ADGRB1: variants seen among roughly 807,000 people sequenced by gnomAD.
The protein encoded by ADGRB1 is adhesion G protein-coupled receptor B1, also known as brain-specific angiogenesis inhibitor 1.
Under a neutral mutation model 175.7 loss-of-function variants are expected in ADGRB1, and 36 were observed. That is an observed-to-expected ratio of 0.20 (90% CI 0.16 to 0.27). The LOEUF is 0.27. Ranked by LOEUF, ADGRB1 falls within the 10% of genes least tolerant of loss-of-function variation. The pLI is 1.00. For missense variants in ADGRB1, 1,731 were observed against 2,255.3 expected, an observed-to-expected ratio of 0.77 and a Z score of 4.71; for synonymous variants, 1,054 against 979.4, an observed-to-expected ratio of 1.08 and a Z score of -1.42.
At position 142,502,470 on chromosome 8, in the gene ADGRB1, C is replaced by CG. The variant is rs1563719312; in HGVS notation, c.2676-8462_2676-8461insG. Among the ~76,000 whole-genome samples, 2 of 7,652 alleles carry CG rather than the reference C, an allele frequency of 2.6e-4. 1 individual carries two copies. Among genetic ancestry groups the CG allele is most frequent in the Non-Finnish European group, 4.9e-4 (2 of 4,090 alleles). The allele number at this position is 7,652 out of a possible 152,430, so 5.0% of individuals were successfully genotyped here. ...TGATGATGGGGTGGTGCAGTCATCACTGTGGTTTTGATGATGACAGTGGTG... is the reference window on the plus strand; with the variant it reads ...TGATGATGGGGTGGTGCAGTCATCACGTGTGGTTTTGATGATGACAGTGGTG... On this transcript the variant is annotated intron_variant, in intron 17 of 30. Coordinates refer to ENST00000517894, the MANE Select transcript of ADGRB1 (RefSeq NM_001702.3).
chr8:142,455,847 GCA>G lies in ADGRB1; in HGVS notation c.-220+5747_-220+5748del, dbSNP rs1235588607. Among the ~76,000 whole-genome samples the G allele has an allele frequency of 2.0e-5, 3 of 152,302 alleles. No individual in the cohort carries two copies. Among genetic ancestry groups the G allele is most frequent in the South Asian group, 4.1e-4 (2 of 4,822 alleles). On this transcript the variant is annotated intron_variant, in intron 1 of 30. Transcript: ENST00000517894. The surrounding 1 kb of genome is among the most constrained non-coding windows in gnomAD (Gnocchi z 4.9). Reference sequence around the variant, plus strand: ...CACCCCCGACCACCGGGCCCTGGGGGCACACGGTTGGTCTTTGGGCCAGCACC... The same window carrying G: ...CACCCCCGACCACCGGGCCCTGGGGGCACGGTTGGTCTTTGGGCCAGCACC...
chr8:142,515,981 T>C (rs1843390219), intron 18 of ADGRB1, among the ~76,000 whole-genome samples: 1 of 152,222 alleles, frequency 6.6e-6, no homozygotes, highest in Non-Finnish European at 1.5e-5. Context: ...GTGGAGGCAG[T>C]GGCTTTTGAA....
intron 6 of ADGRB1, 98 bp from the exon 7 acceptor site, chr8:142,478,089 G>A (rs1841089721): frequency 1.4e-6 from 2 of 1,479,160 alleles, no homozygotes; most frequent in Non-Finnish European, 1.8e-6. Context: ...CAGGCTGGGT[G>A]TGGGGTGGTA....
chr8:142,533,670 G>A (rs1301125128), intron 25 of ADGRB1, among the ~76,000 whole-genome samples: 1 of 152,190 alleles, frequency 6.6e-6, no homozygotes, highest in African/African-American at 2.4e-5. Flanking sequence ...GAGCGGCCCA[G>A]GCAGTGCAGC....
intron 17 of ADGRB1, among the ~76,000 whole-genome samples, chr8:142,506,891 C>T (rs778085745): frequency 2.4e-4 from 37 of 152,234 alleles, no homozygotes; most frequent in Non-Finnish European, 4.7e-4. Flanking sequence ...GGGTAACTCC[C>T]AGGAAACCTG....
intron 23 of ADGRB1, 39 bp from the exon 24 acceptor site, chr8:142,526,503 G>GGCCCCCC: frequency 4.9e-5 from 62 of 1,259,134 alleles, no homozygotes; most frequent in Middle Eastern, 2.0e-4. Context: ...GCCTACGGCG[G>GGCCCCCC]CCCCCACCCC....
At chr8:142,482,785 C>A (rs1472050272) in intron 11 of ADGRB1, among the ~76,000 whole-genome samples, 1 of 145,602 alleles carries the variant, frequency 6.9e-6, no homozygotes, top group Non-Finnish European at 1.5e-5. Flanking sequence ...CCTGGTCACA[C>A]GCTGAGCTCT....
In ADGRB1 at chr8:142,489,453, C is replaced by G. The variant is rs762121826; in HGVS notation, c.2631+15C>G. Reference sequence around the variant, plus strand: ...ACATGTATAATGTGAGTGCCGTCCACGTGCACACTCTGATGCCAGCAGAAA... The same window carrying G: ...ACATGTATAATGTGAGTGCCGTCCAGGTGCACACTCTGATGCCAGCAGAAA... On this transcript the variant is annotated intron_variant, in intron 16 of 30. Coordinates refer to ENST00000517894, the MANE Select transcript of ADGRB1 (RefSeq NM_001702.3). 6.2e-7 allele frequency: 1 copy of G among 1,608,958 alleles called. No homozygotes were observed. The highest frequency in any genetic ancestry group is 2.2e-5 in the East Asian group (1 of 44,860).
At chr8:142,490,703 C>T in intron 16 of ADGRB1, 69 bp from the exon 17 acceptor site, 1 of 1,510,878 alleles carries the variant, frequency 6.6e-7, no homozygotes, top group East Asian at 2.4e-5. Context: ...AGGTGGGTCC[C>T]ATGGTGACCC....
intron 27 of ADGRB1, chr8:142,539,781 CT>C: frequency 2.7e-6 from 1 of 367,688 alleles, no homozygotes. Flanking sequence ...CCTAGTGCCG[CT>C]CCCCCCCCCT....
intron 22 of ADGRB1, among the ~76,000 whole-genome samples, chr8:142,523,432 A>G (rs1843981677): frequency 6.6e-6 from 1 of 151,248 alleles, no homozygotes; most frequent in Non-Finnish European, 1.5e-5. Flanking sequence ...CTCACTGTGG[A>G]GCCCCTGGGG....
Position 142,537,756 on chromosome 8 carries a change from T to TG in ADGRB1, c.3666+677dup, listed in dbSNP as rs1413075146. ...GCGTTCCCACGACACGCACAGGTCC[T>TG]GGGAGGGCGGCCCAAGTGGCGGTTC... On this transcript the variant is annotated intron_variant, in intron 26 of 30. Transcript: ENST00000517894. The surrounding 1 kb of genome is among the most constrained non-coding windows in gnomAD (Gnocchi z 4.6). Among the ~76,000 whole-genome samples, 1 of 152,148 alleles carries TG rather than the reference T, an allele frequency of 6.6e-6. No individual in the cohort carries two copies. The highest frequency in any genetic ancestry group is 1.5e-5 in the Non-Finnish European group (1 of 68,014).
At chr8:142,540,426 T>C (rs891914173) in intron 27 of ADGRB1, among the ~76,000 whole-genome samples, 2 of 152,076 alleles carry the variant, frequency 1.3e-5, no homozygotes, top group African/African-American at 4.8e-5. Flanking sequence ...GAGCCCCTGA[T>C]TCCCTCTCAT....
At chr8:142,531,238 C>G (rs1322449948) in intron 24 of ADGRB1, among the ~76,000 whole-genome samples, 1 of 152,222 alleles carries the variant, frequency 6.6e-6, no homozygotes, top group African/African-American at 2.4e-5. Flanking sequence ...ATGGGAAAAC[C>G]GAGGCCCCAG....
Position 142,511,409 on chromosome 8 carries a change from G to T in ADGRB1, c.2817+336G>T, listed in dbSNP as rs536886891. Among the ~76,000 whole-genome samples, 1,065 of 152,244 alleles carry T rather than the reference G, an allele frequency of 7.0e-3. 7 individuals carry two copies. The highest frequency in any genetic ancestry group is 0.011 in the Admixed American group (170 of 15,306). ...CTGGGGAGAGGCTGGGTCCTGAGCCGGGGGCTGGGAGGCGTCGCCTGTGGA... is the reference window on the plus strand; with the variant it reads ...CTGGGGAGAGGCTGGGTCCTGAGCCTGGGGCTGGGAGGCGTCGCCTGTGGA... On this transcript the variant is annotated intron_variant, in intron 18 of 30. Coordinates refer to ENST00000517894, the MANE Select transcript of ADGRB1 (RefSeq NM_001702.3). The surrounding 1 kb of genome is among the most constrained non-coding windows in gnomAD (Gnocchi z 4.5).
At chr8:142,523,482 G>T (rs1355238500) in intron 22 of ADGRB1, among the ~76,000 whole-genome samples, 1 of 152,014 alleles carries the variant, frequency 6.6e-6, no homozygotes, top group Non-Finnish European at 1.5e-5. Context: ...CCCTGTCTAG[G>T]TGGCAGTAGG....
chr8:142,542,294 A>G lies in ADGRB1; in HGVS notation c.4060A>G (p.Thr1354Ala). The G allele has an allele frequency of 1.2e-6, 2 of 1,613,244 alleles. No homozygotes were observed. The highest frequency in any genetic ancestry group is 1.7e-5 in the Admixed American group (1 of 60,014). ...SYVILPTATA[T>A]LRPKPKEEPK... ...CGTGATCCTGCCCACGGCCACGGCC[A>G]CGCTGCGGCCCAAGCCCAAGGAGGA... Residue 1354 changes from threonine to alanine, a missense_variant, in exon 28 of 31, where the codon ACG becomes GCG. Physicochemically the swap from Thr to Ala is moderately conservative, Grantham distance 58. Around this residue, in one of 8 missense-constraint regions of ADGRB1, gnomAD observed 394 missense variants for 410.2 expected, o/e 0.96. Coordinates refer to ENST00000517894, the MANE Select transcript of ADGRB1 (RefSeq NM_001702.3). This position sits in a 1 kb window ranked among gnomAD's most constrained non-coding sequence, Gnocchi z 6.3.
At chr8:142,500,383 G>GCGCCGCTCCTCCACCTCCCCCCCA (rs1842455746) in intron 17 of ADGRB1, among the ~76,000 whole-genome samples, 1 of 13,084 alleles carries the variant, frequency 7.6e-5, no homozygotes, top group African/African-American at 4.5e-4. Flanking sequence ...CCTGCCCCCC[G>GCGCCGCTCCTCCACCTCCCCCCCA]CGCCGCTCCT....
intron 2 of ADGRB1, among the ~76,000 whole-genome samples, chr8:142,469,502 T>C (rs1438083570): frequency 6.8e-6 from 1 of 146,904 alleles, no homozygotes; most frequent in African/African-American, 2.5e-5. Context: ...CGTGCATGTG[T>C]GAATGTGTGT....
Sources: gnomAD v4.1 joint callset for allele counts (sites outside exome capture counted in the v4.1 genomes callset) on GRCh38, gnomAD v4.1.1 for gene constraint, gnomAD v4.1.1 regional missense constraint, Gnocchi (gnomAD v3.1) non-coding constraint, MANE v1.5 for transcripts, NCBI Gene and HGNC (gene_info 2026-07-23, HGNC 2026-07-21) for gene names.